SRCAP: variants seen among roughly 807,000 people sequenced by gnomAD.
The protein encoded by SRCAP is Snf2 related CREBBP activator protein.
A neutral mutation model predicts 263.1 loss-of-function variants in SRCAP; 46 were observed. The observed-to-expected ratio is 0.17, with a 90% confidence interval of 0.14 to 0.22. The LOEUF (loss-of-function observed/expected upper bound fraction) is 0.22, where lower values mean the gene tolerates loss of function less well. Ranked by LOEUF, SRCAP falls within the 10% of genes least tolerant of loss-of-function variation. The probability of loss-of-function intolerance (pLI) is 1.00; values close to 1 mark genes in which losing one functional copy is unlikely to be tolerated. For missense variants in SRCAP, 3,695 were observed against 4,181.9 expected (o/e 0.88, Z 3.21); for synonymous variants, 1,813 against 1,662.1 (o/e 1.09, Z -2.21).
chr16:30,709,435 G>A (rs2052864472), intron 6 of SRCAP, 78 bp from the exon 7 acceptor site: 1 of 1,493,874 alleles, frequency 6.7e-7, no homozygotes, highest in African/African-American at 1.4e-5. Flanking sequence ...GGTTAAAGAA[G>A]GTCTCCCTAA....
At chr16:30,708,409 A>G (rs1199479452) in intron 6 of SRCAP, among the ~76,000 whole-genome samples, 1 of 151,626 alleles carries the variant, frequency 6.6e-6, no homozygotes, top group East Asian at 1.9e-4. Flanking sequence ...TTTTTTTTTA[A>G]TTTTTTTGTG....
chr16:30,713,194 CTT>C lies in SRCAP; in HGVS notation c.2131-12_2131-11del, dbSNP rs1449346833. The C allele has an allele frequency of 6.2e-7, 1 of 1,612,626 alleles. No individual in the cohort carries two copies. Among genetic ancestry groups the C allele is most frequent in the Non-Finnish European group, 8.5e-7 (1 of 1,178,998 alleles). ...CATCCCACTATCTGCTACTTTCTGTCTTTGATCCCTCAGGGCTGGACCAAGCC... is the reference window on the plus strand; with the variant it reads ...CATCCCACTATCTGCTACTTTCTGTCTGATCCCTCAGGGCTGGACCAAGCC... On this transcript the variant is annotated splice_polypyrimidine_tract_variant and intron_variant, in intron 14 of 33. Coordinates refer to ENST00000262518, the MANE Select transcript of SRCAP (RefSeq NM_006662.3).
chr16:30,720,631 G>C (rs530307661), intron 19 of SRCAP, 82 bp from the exon 20 acceptor site: 1 of 1,427,632 alleles, frequency 7.0e-7, no homozygotes, highest in East Asian at 2.3e-5. Context: ...CTGTCTCTCT[G>C]TTTCATTTTC....
intron 25 of SRCAP, 76 bp downstream of exon 25, chr16:30,725,158 T>C: frequency 6.6e-7 from 1 of 1,525,234 alleles, no homozygotes; most frequent in Non-Finnish European, 8.8e-7. Context: ...GGAACAGTGA[T>C]GTCACATTTA....
intron 18 of SRCAP, among the ~76,000 whole-genome samples, chr16:30,718,690 C>T (rs1232637752): frequency 1.3e-5 from 2 of 148,718 alleles, no homozygotes; most frequent in Admixed American, 6.7e-5. Context: ...CAGCTGGTCT[C>T]GAACGCCTGA....
chr16:30,722,925 C>CTT, intron 23 of SRCAP, 38 bp from the exon 24 acceptor site: 1 of 1,575,530 alleles, frequency 6.3e-7, no homozygotes, highest in African/African-American at 1.4e-5. Flanking sequence ...TCTTTTGTTT[C>CTT]TTTTCTACCT....
intron 27 of SRCAP, among the ~76,000 whole-genome samples, chr16:30,729,970 G>C (rs994538372): frequency 1.4e-4 from 21 of 152,090 alleles, no homozygotes; most frequent in Non-Finnish European, 2.6e-4. Context: ...ATTTCGCCAT[G>C]TTGGCCAGGT....
chr16:30,706,359 G>T lies in SRCAP; in HGVS notation c.307-824G>T, dbSNP rs2151285807. On this transcript the variant is annotated intron_variant, in intron 4 of 33. Transcript: ENST00000262518. ...TATAGTCAGTCTCAGCTACCTGGGA[G>T]GCTGAGTTGGGAGGCTGAGTTGGGA... 2.0e-5 allele frequency among the ~76,000 whole-genome samples: 3 copies of T among 152,180 alleles called. No homozygotes were observed. In the Middle Eastern group the frequency reaches 0.01, roughly 518 times the overall value.
At chr16:30,712,517 A>G (rs962231778) in intron 13 of SRCAP, 78 bp downstream of exon 13, 24 of 1,523,942 alleles carry the variant, frequency 1.6e-5, no homozygotes, top group Admixed American at 6.4e-5. Flanking sequence ...CTCCAGCTTC[A>G]TTGACTTTTG....
chr16:30,704,391 T>C, intron 4 of SRCAP, 76 bp downstream of exon 4: 3 of 1,500,706 alleles, frequency 2.0e-6, no homozygotes, highest in Middle Eastern at 1.9e-4. Flanking sequence ...GAGTATTTTA[T>C]GTTTCTTTTC....
chr16:30,735,801 G>A (rs535590784), intron 31 of SRCAP, among the ~76,000 whole-genome samples: 1 of 151,454 alleles, frequency 6.6e-6, no homozygotes, highest in Non-Finnish European at 1.5e-5. Flanking sequence ...GGCTGGTCTC[G>A]AACTCCTGAC....
chr16:30,736,073 GGTT>G (rs1351343199), intron 31 of SRCAP, 124 bp from the exon 32 acceptor site: 2 of 1,078,384 alleles, frequency 1.9e-6, no homozygotes, highest in African/African-American at 1.6e-5. Flanking sequence ...AGGCCTAGGA[GGTT>G]GTTGAGTTCT....
intron 2 of SRCAP, among the ~76,000 whole-genome samples, 169 bp from the exon 3 acceptor site, chr16:30,700,447 A>G (rs2052753465): frequency 6.6e-6 from 1 of 152,248 alleles, no homozygotes; most frequent in Admixed American, 6.5e-5. Context: ...ATTATAGAAC[A>G]CATCAAACAG....
At position 30,736,383 on chromosome 16, in the gene SRCAP, C is replaced by G; in HGVS notation, c.6913C>G (p.Leu2305Val). ...CCGGGCTGAGCAGGAAATTGCTGCC[C>G]TCGTAGAACAGGTCAGTGCTGGACC... is the stretch of plus-strand genomic sequence containing the variant. ...MSRAEQEIAALVEQLTPIERY... is the reference protein window; with the variant it reads ...MSRAEQEIAAVVEQLTPIERY... The change falls in exon 32 of 34, where the codon CTC (leucine) becomes GTC (valine). Residue 2305 changes from leucine to valine, a missense_variant. Coordinates refer to ENST00000262518, the MANE Select transcript of SRCAP (RefSeq NM_006662.3). The G allele has an allele frequency of 6.2e-7, 1 of 1,612,442 alleles. No homozygotes were observed. The highest frequency in any genetic ancestry group is 8.5e-7 in the Non-Finnish European group (1 of 1,178,954).
At chr16:30,715,255 C>G (rs929808759) in intron 16 of SRCAP, among the ~76,000 whole-genome samples, 1 of 152,180 alleles carries the variant, frequency 6.6e-6, no homozygotes, top group Admixed American at 6.5e-5. Context: ...CACTATCATT[C>G]GGTAAACTAA....
At position 30,729,364 on chromosome 16, in the gene SRCAP, T is replaced by C; in HGVS notation, c.5925-6T>C. 6.2e-7 allele frequency: 1 copy of C among 1,614,038 alleles called. No individual in the cohort carries two copies. The highest frequency in any genetic ancestry group is 8.5e-7 in the Non-Finnish European group (1 of 1,179,938). ...CTTTTACACTGCCTGCTTCTTCCTTTCACAGGTTCATCTTTGTCATGCCTC... is the reference window on the plus strand; with the variant it reads ...CTTTTACACTGCCTGCTTCTTCCTTCCACAGGTTCATCTTTGTCATGCCTC... On this transcript the variant is annotated splice_polypyrimidine_tract_variant and splice_region_variant and intron_variant, in intron 26 of 33. Transcript: ENST00000262518.
At chr16:30,700,994 CG>C in intron 3 of SRCAP, 116 bp downstream of exon 3, 1 of 1,023,492 alleles carries the variant, frequency 9.8e-7, no homozygotes. Context: ...CTTTGGTGCT[CG>C]GGGGCTGGGC....
In SRCAP at chr16:30,723,999, G is replaced by A. The variant is rs1406682926; in HGVS notation, c.4575G>A (p.Leu1525=). 6.2e-7 allele frequency: 1 copy of A among 1,613,932 alleles called. No homozygotes were observed. Among genetic ancestry groups the A allele is most frequent in the Non-Finnish European group, 8.5e-7 (1 of 1,180,030 alleles). The change falls in exon 25 of 34, where the codon CTG becomes CTA. Residue 1525 remains leucine, a synonymous_variant. Transcript: ENST00000262518. ...LSSSQTPGHP[L]LLAPTSSHVP... Reference sequence around the variant, plus strand: ...CATCTCAGACACCTGGTCACCCTCTGTTGTTGGCTCCCACCTCTTCACATG... The same window carrying A: ...CATCTCAGACACCTGGTCACCCTCTATTGTTGGCTCCCACCTCTTCACATG...
In SRCAP at chr16:30,707,165, C is replaced by T. The variant is rs2052836937; in HGVS notation, c.307-18C>T. 6.2e-7 allele frequency: 1 copy of T among 1,613,390 alleles called. No homozygotes were observed. On this transcript the variant is annotated intron_variant, in intron 4 of 33. Coordinates refer to ENST00000262518, the MANE Select transcript of SRCAP (RefSeq NM_006662.3). The stretch of plus-strand genomic sequence containing the variant: ...TGTGTGTTTAGAACTGTTGATTGAT[C>T]TGGCTCTCCCTGATTAGGAGGCCGA...
Sources: gnomAD v4.1 joint callset for allele counts (sites outside exome capture counted in the v4.1 genomes callset) on GRCh38, gnomAD v4.1.1 for gene constraint, MANE v1.5 for transcripts, NCBI Gene and HGNC (gene_info 2026-07-23, HGNC 2026-07-21) for gene names.